The following HLTF variants were observed in gnomAD, a reference collection of about 807,000 sequenced individuals.
HLTF encodes helicase like transcription factor, also known as DNA-dependent ATPase/E3 ubiquitin-protein ligase HLTF.
In HLTF, 127 loss-of-function variants were observed where a neutral mutation model predicts 129.4. That is an observed-to-expected ratio of 0.98 (90% CI 0.85 to 1.14). The LOEUF is 1.14. Among genes scored for constraint, HLTF ranks in the 50% most tolerant of loss-of-function variants. HLTF has a pLI of 0.00. For synonymous variants in HLTF, 332 were observed against 388.8 expected, an observed-to-expected ratio of 0.85 and a Z score of 1.72; for missense variants, 1,139 against 1,187.1, an observed-to-expected ratio of 0.96 and a Z score of 0.60.
At chr3:149,054,409 G>C (rs1717252786) in intron 14 of HLTF, among the ~76,000 whole-genome samples, 1 of 152,284 alleles carries the variant, frequency 6.6e-6, no homozygotes, top group Non-Finnish European at 1.5e-5. Flanking sequence ...TGTGGGAAAA[G>C]AGAGAATCCA....
At position 149,039,065 on chromosome 3, in the gene HLTF, A is replaced by G; in HGVS notation, c.2780T>C (p.Val927Ala). ...ACTACTTACTGGATCCATTAAAAACACTCGAGAAGCTGCAGACAGATTCAA... is the reference window on the plus strand; with the variant it reads ...ACTACTTACTGGATCCATTAAAAACGCTCGAGAAGCTGCAGACAGATTCAA... ...VGLNLSAASRVFLMDPAWNPA... is the reference protein window; with the variant it reads ...VGLNLSAASRAFLMDPAWNPA... The change falls in exon 23 of 25, where the codon GTG becomes GCG. Residue 927 changes from valine (V) to alanine (A), a missense_variant. By Grantham distance (64) the Val-to-Ala change is moderately conservative (BLOSUM62 0). Coordinates refer to ENST00000310053, the MANE Select transcript of HLTF (RefSeq NM_003071.4). 6.3e-7 allele frequency: 1 copy of G among 1,576,262 alleles called. No individual in the cohort carries two copies. Among genetic ancestry groups the G allele is most frequent in the Non-Finnish European group, 8.6e-7 (1 of 1,165,166 alleles).
rs1714995774 is a variant in HLTF, at chr3:149,031,115, AC to A, written c.*1104del. 1 of 152,188 alleles carries A rather than the reference AC, an allele frequency of 6.6e-6. No homozygotes were observed. The highest frequency in any genetic ancestry group is 2.4e-5 in the African/African-American group (1 of 41,432). 9.4% of individuals were successfully genotyped at this position (152,188 alleles called of 1,614,324 possible). On this transcript the variant is annotated 3_prime_UTR_variant, in exon 25 of 25. Coordinates refer to ENST00000310053, the MANE Select transcript of HLTF (RefSeq NM_003071.4). Reference sequence around the variant, plus strand: ...TTGTTTTAAATATGCTCAGGAGTCAACCCAAATTCTGCAGCAAATAAGTTTG... The same window carrying A: ...TTGTTTTAAATATGCTCAGGAGTCAACCAAATTCTGCAGCAAATAAGTTTG...
Position 149,032,314 on chromosome 3 carries a change from T to C in HLTF, c.2936A>G (p.Glu979Gly). The C allele has an allele frequency of 6.3e-7, 1 of 1,599,300 alleles. No individual in the cohort carries two copies. The highest frequency in any genetic ancestry group is 1.7e-5 in the Admixed American group (1 of 57,906). Reference protein sequence around the residue: ...NMLKIQNKKRELAAGAFGTKK... With the variant: ...NMLKIQNKKRGLAAGAFGTKK... ...AGTTCCAAAGGCTCCTGCTGCAAGT[T>C]CTCTCTTTTTGTTTTGTATTTTCAG... The change falls in exon 25 of 25, where the codon GAA (glutamate) becomes GGA (glycine). Residue 979 changes from glutamate to glycine, a missense_variant. Coordinates refer to ENST00000310053, the MANE Select transcript of HLTF (RefSeq NM_003071.4).
chr3:149,075,980 T>A lies in HLTF; in HGVS notation c.296A>T (p.Lys99Ile), dbSNP rs1438243141. 5 of 1,569,246 alleles carry A rather than the reference T, an allele frequency of 3.2e-6. No homozygotes were observed. The highest frequency in any genetic ancestry group is 4.4e-6 in the Non-Finnish European group (5 of 1,140,528). Residue 99 changes from lysine to isoleucine, a missense_variant, in exon 3 of 25, where the codon AAA (lysine) becomes ATA (isoleucine). Lys to Ile is a moderately radical substitution (Grantham distance 102). Transcript: ENST00000310053. ...PNNPYDKNAIKVNNVNGNQVG... is the reference protein window; with the variant it reads ...PNNPYDKNAIIVNNVNGNQVG... ...TTGATTTCCATTCACATTGTTTACT[T>A]TAATTGCATTCTTATCATAAGGGTT...
At chr3:149,073,378 T>G (rs752731578) in intron 4 of HLTF, 56 bp from the exon 5 acceptor site, 13 of 1,240,084 alleles carry the variant, frequency 1.0e-5, no homozygotes, top group Non-Finnish European at 1.5e-5. Context: ...GTTTTTATCT[T>G]TTATTAAGTA....
intron 12 of HLTF, among the ~76,000 whole-genome samples, 150 bp downstream of exon 12, chr3:149,060,478 AATTAATTTAAAACCC>A (rs1717834314): frequency 6.6e-6 from 1 of 152,184 alleles, no homozygotes; most frequent in Non-Finnish European, 1.5e-5. Context: ...TCCTTTACAA[AATTAATTTAAAACCC>A]ATGGTTAGCT....
At chr3:149,060,571 G>T (rs1408037042) in intron 12 of HLTF, 72 bp downstream of exon 12, 2 of 1,205,628 alleles carry the variant, frequency 1.7e-6, no homozygotes, top group South Asian at 1.3e-5. Flanking sequence ...CCAACCTAGC[G>T]AGATACAAAT....
At chr3:149,076,952 T>G (rs1454460762) in intron 2 of HLTF, among the ~76,000 whole-genome samples, 1 of 152,122 alleles carries the variant, frequency 6.6e-6, no homozygotes, top group Admixed American at 6.6e-5. Context: ...AGCAATCCTG[T>G]AGCCTTTAAA....
At chr3:149,075,432 A>G (rs543225365) in intron 3 of HLTF, among the ~76,000 whole-genome samples, 4 of 152,290 alleles carry the variant, frequency 2.6e-5, no homozygotes, top group Admixed American at 6.5e-5. Context: ...ACCTGTAGCT[A>G]CTCAGGAGGC....
At chr3:149,051,466 T>C (rs535318241) in intron 14 of HLTF, among the ~76,000 whole-genome samples, 2 of 152,316 alleles carry the variant, frequency 1.3e-5, no homozygotes, top group South Asian at 4.1e-4. Context: ...AGAGAGCATG[T>C]ACAGTGAGCA....
At chr3:149,036,042 G>A (rs1026503698) in intron 23 of HLTF, among the ~76,000 whole-genome samples, 2 of 151,614 alleles carry the variant, frequency 1.3e-5, no homozygotes, top group Admixed American at 6.6e-5. Context: ...GGCTGAGGCA[G>A]GAGAATGGCG....
intron 18 of HLTF, among the ~76,000 whole-genome samples, chr3:149,044,130 C>A (rs1716347817): frequency 1.3e-5 from 2 of 152,076 alleles, no homozygotes; most frequent in South Asian, 4.1e-4. Flanking sequence ...CTGCTCTGTG[C>A]CTCAGTTTCC....
chr3:149,054,819 A>G (rs796451582), intron 14 of HLTF, among the ~76,000 whole-genome samples: 12 of 152,324 alleles, frequency 7.9e-5, no homozygotes, highest in African/African-American at 7.2e-5. Flanking sequence ...CTGTGTTTCA[A>G]TGTGGGCACC....
chr3:149,039,438 G>A, intron 22 of HLTF, 143 bp downstream of exon 22: 2 of 595,846 alleles, frequency 3.4e-6, no homozygotes, highest in Non-Finnish European at 5.6e-6. Context: ...CTGCCAGGAA[G>A]TATTCTCTAT....
chr3:149,031,394 C>CA lies in HLTF; in HGVS notation c.*825dup, dbSNP rs1344657850. The stretch of plus-strand genomic sequence containing the variant: ...TTATAAAAATTTATAAAGTTACTTC[C>CA]AAAAAAAGCTACATAAATAAAAATT... On this transcript the variant is annotated 3_prime_UTR_variant, in exon 25 of 25. Transcript: ENST00000310053. 1 of 152,196 alleles carries CA rather than the reference C, an allele frequency of 6.6e-6. No individual in the cohort carries two copies. Among genetic ancestry groups the CA allele is most frequent in the Non-Finnish European group, 1.5e-5 (1 of 67,946 alleles). 9.4% of individuals were successfully genotyped at this position (152,196 alleles called of 1,614,324 possible).
At position 149,084,764 on chromosome 3, in the gene HLTF, A is replaced by G. The variant is rs1720202765; in HGVS notation, c.146T>C (p.Leu49Pro). 1 of 1,614,142 alleles carries G rather than the reference A, an allele frequency of 6.2e-7. No homozygotes were observed. The highest frequency in any genetic ancestry group is 8.5e-7 in the Non-Finnish European group (1 of 1,179,972). ...GGAATCTACTTCTTCATCACTAGTT[A>G]GAAAGTCATCTGGAGGGATAACATC... Reference protein sequence around the residue: ...FQDVIPPDDFLTSDEEVDSVL... With the variant: ...FQDVIPPDDFPTSDEEVDSVL... Residue 49 changes from leucine to proline, a missense_variant, in exon 2 of 25, where the codon CTA becomes CCA. Leu to Pro is a moderately conservative substitution (Grantham distance 98). Coordinates refer to ENST00000310053, the MANE Select transcript of HLTF (RefSeq NM_003071.4).
At position 149,071,385 on chromosome 3, in the gene HLTF, C is replaced by T. The variant is rs766981183; in HGVS notation, c.761G>A (p.Arg254Gln). The change falls in exon 7 of 25, where the codon CGG becomes CAG. Residue 254 changes from arginine (R) to glutamine (Q), a missense_variant. Coordinates refer to ENST00000310053, the MANE Select transcript of HLTF (RefSeq NM_003071.4). ...QKQALAWMVS[R>Q]ENSKELPPFW... is the part of the protein sequence containing the mutation. Reference sequence around the variant, plus strand: ...TGGTGGAAGTTCTTTGCTATTTTCCCGTGACACCATCCAAGCTAGAGCTTG... The same window carrying T: ...TGGTGGAAGTTCTTTGCTATTTTCCTGTGACACCATCCAAGCTAGAGCTTG... 35 of 1,613,648 alleles carry T rather than the reference C, an allele frequency of 2.2e-5. No individual in the cohort carries two copies. In the South Asian group the frequency reaches 2.5e-4, roughly 12 times the overall value.
Position 149,050,451 on chromosome 3 carries a change from G to A in HLTF, c.1474-76C>T, listed in dbSNP as rs1265075870. 6 of 946,188 alleles carry A rather than the reference G, an allele frequency of 6.3e-6. No homozygotes were observed. In the Middle Eastern group the frequency reaches 1.1e-3, roughly 167 times the overall value. The allele number at this position is 946,188 out of a possible 1,614,324, so 58.6% of individuals were successfully genotyped here. ...TTAATAGATGTATAAAAAAGTAACT[G>A]CCCTGGCAGTAGTGTGACAAATCCA... On this transcript the variant is annotated intron_variant, in intron 14 of 24. Transcript: ENST00000310053.
In HLTF at chr3:149,060,793, G is replaced by A. The variant is rs553371369; in HGVS notation, c.1226C>T (p.Pro409Leu). 16 of 1,612,724 alleles carry A rather than the reference G, an allele frequency of 9.9e-6. No homozygotes were observed. In the East Asian group the frequency reaches 2.0e-4, roughly 20 times the overall value. ...TTACATGTTACCTTTCATTTTCTGC[G>A]GCAATTCACTTGTTTCAATTTCCTC... ...DSEEIETSEL[P>L]QKMKGKLKNV... Residue 409 changes from proline to leucine, a missense_variant, in exon 11 of 25, where the codon CCG becomes CTG. Transcript: ENST00000310053.
Sources: gnomAD v4.1 joint callset for allele counts (sites outside exome capture counted in the v4.1 genomes callset) on GRCh38, gnomAD v4.1.1 for gene constraint, MANE v1.5 for transcripts, NCBI Gene and HGNC (gene_info 2026-07-23, HGNC 2026-07-21) for gene names.